Variants in RALGAPA1 observed in about 807,000 individuals in gnomAD.
RALGAPA1 encodes Ral GTPase activating protein catalytic subunit alpha 1.
A neutral mutation model predicts 269.6 loss-of-function variants in RALGAPA1; 52 were observed. The observed-to-expected ratio is 0.19, with a 90% CI of 0.15 to 0.24. The LOEUF (loss-of-function observed/expected upper bound fraction) is 0.24. Ranked by LOEUF, RALGAPA1 falls within the 10% of genes least tolerant of loss-of-function variation. RALGAPA1 has a pLI of 1.00. For missense variants in RALGAPA1, 1,917 were observed against 3,013.9 expected (o/e 0.64, Z 8.52); for synonymous variants, 817 against 1,008.3 (o/e 0.81, Z 3.60).
intron 17 of RALGAPA1, among the ~76,000 whole-genome samples, chr14:35,693,285 A>T (rs1348404331): frequency 6.6e-6 from 1 of 151,886 alleles, no homozygotes; most frequent in Admixed American, 6.6e-5. Context: ...TATAAAGATA[A>T]GAATGTTAGA....
At chr14:35,776,009 G>T (rs969832118) in intron 1 of RALGAPA1, among the ~76,000 whole-genome samples, 1 of 152,114 alleles carries the variant, frequency 6.6e-6, no homozygotes, top group African/African-American at 2.4e-5. Context: ...ACCAAAAAAA[G>T]AAGTTAAGTT....
At chr14:35,789,209 G>A (rs887785284) in intron 1 of RALGAPA1, among the ~76,000 whole-genome samples, 1 of 151,940 alleles carries the variant, frequency 6.6e-6, no homozygotes, top group African/African-American at 2.4e-5. Flanking sequence ...ATATAAGGGT[G>A]ATGGGAAGGC....
At chr14:35,734,384 A>T (rs2070782858) in intron 12 of RALGAPA1, among the ~76,000 whole-genome samples, 1 of 152,152 alleles carries the variant, frequency 6.6e-6, no homozygotes, top group African/African-American at 2.4e-5. Flanking sequence ...AGAATAGAAA[A>T]CCCAGAAATA....
At chr14:35,572,283 G>T (rs754671801) in intron 38 of RALGAPA1, among the ~76,000 whole-genome samples, 7 of 152,058 alleles carry the variant, frequency 4.6e-5, no homozygotes, top group Non-Finnish European at 8.8e-5. Flanking sequence ...CTTAATAAAA[G>T]GTAAGTCCTT....
intron 34 of RALGAPA1, 127 bp from the exon 35 acceptor site, chr14:35,625,559 AAGG>A (rs1173910771): frequency 3.4e-6 from 2 of 580,066 alleles, no homozygotes; most frequent in African/African-American, 3.8e-5. Flanking sequence ...TTCTAACACA[AAGG>A]AGAACAGACC....
At position 35,648,988 on chromosome 14, in the gene RALGAPA1, TA is replaced by T. The variant is rs1394018497; in HGVS notation, c.5676+2816del. Among the ~76,000 whole-genome samples, 3 of 152,362 alleles carry T rather than the reference TA, an allele frequency of 2.0e-5. No homozygotes were observed. The East Asian group carries it at 5.8e-4, about 29-fold the overall frequency. On this transcript the variant is annotated intron_variant, in intron 31 of 41. Coordinates refer to ENST00000680220, the MANE Select transcript of RALGAPA1 (RefSeq NM_001346249.2). ...TATTCTTTAATGTGCTATACTTTGC[TA>T]ACTCATCTTACTCTACTATATCGCC...
At chr14:35,645,468 C>G (rs552244177) in intron 31 of RALGAPA1, among the ~76,000 whole-genome samples, 1 of 151,914 alleles carries the variant, frequency 6.6e-6, no homozygotes, top group Non-Finnish European at 1.5e-5. Context: ...CAATGGCTCA[C>G]GCCTGTAATC....
intron 24 of RALGAPA1, among the ~76,000 whole-genome samples, chr14:35,673,592 T>G (rs899141880): frequency 6.6e-6 from 1 of 152,048 alleles, no homozygotes; most frequent in African/African-American, 2.4e-5. Context: ...TTAAAATTTT[T>G]TTTTTGAGAC....
At chr14:35,752,215 T>A in intron 7 of RALGAPA1, 53 bp from the exon 8 acceptor site, 1 of 1,430,730 alleles carries the variant, frequency 7.0e-7, no homozygotes, top group Non-Finnish European at 9.3e-7. Context: ...ATCTCTTAAA[T>A]GCAAGTATTA....
intron 10 of RALGAPA1, 96 bp from the exon 11 acceptor site, chr14:35,742,661 G>T: frequency 1.2e-6 from 1 of 847,174 alleles, no homozygotes; most frequent in Non-Finnish European, 1.9e-6. Flanking sequence ...ATAGATTCTT[G>T]GAAACTGCAA....
rs775820129 is a variant in RALGAPA1 at position 35,687,204 on chromosome 14, C to A, written c.3953-538G>T. Among the ~76,000 whole-genome samples, 6 of 152,076 alleles carry A rather than the reference C, an allele frequency of 3.9e-5. 1 individual carries two copies. The South Asian group carries it at 1.2e-3, about 32-fold the overall frequency. ...AAAGTTGACTTCCACAAATGTTTTT[C>A]TTACCAAAAAAACCCAAAATAGTTA... On this transcript the variant is annotated intron_variant, in intron 18 of 41. Coordinates refer to ENST00000680220, the MANE Select transcript of RALGAPA1 (RefSeq NM_001346249.2).
intron 11 of RALGAPA1, 45 bp downstream of exon 11, chr14:35,742,323 A>C (rs777333088): frequency 1.2e-5 from 16 of 1,334,284 alleles, no homozygotes; most frequent in Non-Finnish European, 1.7e-5. Flanking sequence ...CAAAACTCTT[A>C]ATCTATTAGA....
In RALGAPA1 at chr14:35,688,784, A is replaced by G; in HGVS notation, c.3627T>C (p.Pro1209=). ...GTGTATCTAGAGGTCTGTACACACC[A>G]GGTTTTACTAGCTCTGTAGCACTAT... ...STNSATELVK[P]GVYRPLDTLG... is the part of the protein sequence containing the mutation. Residue 1209 remains proline, a synonymous_variant, in exon 18 of 42, where the codon CCT becomes CCC. Coordinates refer to ENST00000680220, the MANE Select transcript of RALGAPA1 (RefSeq NM_001346249.2). 7.1e-7 allele frequency: 1 copy of G among 1,415,988 alleles called. No individual in the cohort carries two copies. The highest frequency in any genetic ancestry group is 9.2e-7 in the Non-Finnish European group (1 of 1,089,644). The allele number at this position is 1,415,988 out of a possible 1,614,324, so 87.7% of individuals were successfully genotyped here.
chr14:35,770,620 ATC>A (rs1288052048), intron 4 of RALGAPA1, among the ~76,000 whole-genome samples: 2 of 152,218 alleles, frequency 1.3e-5, no homozygotes, highest in Non-Finnish European at 2.9e-5. Context: ...TTTTTCTTCC[ATC>A]TCTGATTCAT....
chr14:35,800,018 A>T (rs139613065), intron 1 of RALGAPA1, among the ~76,000 whole-genome samples: 2 of 152,336 alleles, frequency 1.3e-5, no homozygotes, highest in African/African-American at 4.8e-5. Flanking sequence ...AATGATAAAG[A>T]AGTCAATTCA....
chr14:35,555,698 T>C (rs2055531850), intron 39 of RALGAPA1, among the ~76,000 whole-genome samples: 1 of 152,208 alleles, frequency 6.6e-6, no homozygotes, highest in Non-Finnish European at 1.5e-5. Flanking sequence ...TTTATTTTAC[T>C]AATGTTTATA....
intron 39 of RALGAPA1, among the ~76,000 whole-genome samples, chr14:35,554,604 C>T (rs2055407765): frequency 6.6e-6 from 1 of 151,940 alleles, no homozygotes; most frequent in Admixed American, 6.6e-5. Context: ...CCTCGGCCTC[C>T]CAAAGTGCTG....
rs572548177 is a variant in RALGAPA1 at position 35,607,691 on chromosome 14, G to T, written c.6930-1982C>A. 1.9e-4 allele frequency among the ~76,000 whole-genome samples: 29 copies of T among 152,314 alleles called. No individual in the cohort carries two copies. The South Asian group carries it at 6.0e-3, about 32-fold the overall frequency. On this transcript the variant is annotated intron_variant, in intron 35 of 41. Coordinates refer to ENST00000680220, the MANE Select transcript of RALGAPA1 (RefSeq NM_001346249.2). ...AGGTTTTGCCTAAGGTGAAAAGCAG[G>T]TTATAAGGACAAAGAACTCTGTAGC... is the stretch of plus-strand genomic sequence containing the variant.
intron 20 of RALGAPA1, 134 bp from the exon 21 acceptor site, chr14:35,684,119 T>C: frequency 4.6e-6 from 3 of 646,750 alleles, no homozygotes; most frequent in Non-Finnish European, 7.9e-6. Context: ...CTCAGACAAG[T>C]GTAAATAATC....
Sources: allele counts gnomAD v4.1 joint callset (sites outside exome capture counted in the v4.1 genomes callset), GRCh38; gene constraint gnomAD v4.1.1; transcripts MANE v1.5; gene names NCBI Gene and HGNC (gene_info 2026-07-23, HGNC 2026-07-21).